AUTS2: variants seen among roughly 807,000 people sequenced by gnomAD.
AUTS2 encodes autism susceptibility gene 2 protein.
A neutral mutation model predicts 112.4 loss-of-function variants in AUTS2; 17 were observed. That is an observed-to-expected ratio of 0.15 (90% confidence interval 0.10 to 0.23). The LOEUF (loss-of-function observed/expected upper bound fraction) is 0.23. Among genes scored for constraint, AUTS2 ranks in the 10% least tolerant of loss-of-function variants. The pLI is 1.00. For synonymous variants in AUTS2, 751 were observed against 702.7 expected (o/e 1.07, Z -1.09); for missense variants, 1,510 against 1,701.6 (o/e 0.89, Z 1.98).
chr7:69,629,769 A>C (rs1414324818), intron 1 of AUTS2, among the ~76,000 whole-genome samples: 1 of 152,184 alleles, frequency 6.6e-6, no homozygotes, highest in Non-Finnish European at 1.5e-5. Context: ...GTATAATGCA[A>C]GGTGATGGGA....
At chr7:69,991,096 A>G (rs1341880925) in intron 2 of AUTS2, among the ~76,000 whole-genome samples, 1 of 152,190 alleles carries the variant, frequency 6.6e-6, no homozygotes, top group Non-Finnish European at 1.5e-5. Context: ...TAAAAATGAA[A>G]GAGAGTCTGG....
At chr7:69,884,290 G>A (rs1220862724) in intron 1 of AUTS2, among the ~76,000 whole-genome samples, 1 of 152,160 alleles carries the variant, frequency 6.6e-6, no homozygotes, top group Non-Finnish European at 1.5e-5. Flanking sequence ...TTTGCAGAAA[G>A]CATTCTTACT....
At chr7:69,730,456 G>A (rs1237005193) in intron 1 of AUTS2, among the ~76,000 whole-genome samples, 1 of 151,956 alleles carries the variant, frequency 6.6e-6, no homozygotes, top group African/African-American at 2.4e-5. Context: ...AGTTTCTGTC[G>A]ATACATATGC....
chr7:70,017,049 A>G (rs1408332161), intron 2 of AUTS2, among the ~76,000 whole-genome samples: 1 of 152,226 alleles, frequency 6.6e-6, no homozygotes, highest in Non-Finnish European at 1.5e-5. Context: ...GAACTGGCAC[A>G]GTGATGAAGA....
At chr7:70,238,072 T>G (rs977932637) in intron 4 of AUTS2, among the ~76,000 whole-genome samples, 2 of 152,206 alleles carry the variant, frequency 1.3e-5, no homozygotes, top group African/African-American at 2.4e-5. Context: ...CCATTAAATT[T>G]CCTGTGGATC....
At chr7:70,729,850 C>T (rs1787262594) in intron 6 of AUTS2, among the ~76,000 whole-genome samples, 1 of 130,422 alleles carries the variant, frequency 7.7e-6, no homozygotes, top group Non-Finnish European at 1.6e-5. Context: ...ACTGTTTGCC[C>T]ATTGTATGTA....
chr7:70,438,803 A>G (rs1323391336), intron 5 of AUTS2, among the ~76,000 whole-genome samples: 1 of 152,166 alleles, frequency 6.6e-6, no homozygotes, highest in Non-Finnish European at 1.5e-5. Flanking sequence ...TGAATTGCTA[A>G]TGGTGGAAAA....
chr7:70,633,497 G>A (rs1805375669), intron 5 of AUTS2, among the ~76,000 whole-genome samples: 1 of 151,856 alleles, frequency 6.6e-6, no homozygotes, highest in African/African-American at 2.4e-5. Context: ...TGTAATCCCA[G>A]CTGCTCGGGA....
chr7:70,497,413 A>C (rs1297565300), intron 5 of AUTS2, among the ~76,000 whole-genome samples: 1 of 152,240 alleles, frequency 6.6e-6, no homozygotes, highest in Non-Finnish European at 1.5e-5. Flanking sequence ...CAAAGTTTGG[A>C]AACAGAAGAG....
chr7:70,275,412 T>A (rs1787881873), intron 4 of AUTS2, among the ~76,000 whole-genome samples: 2 of 152,000 alleles, frequency 1.3e-5, no homozygotes, highest in Admixed American at 1.3e-4. Flanking sequence ...GGATAGGGAG[T>A]TACCCATTCA....
rs1347678272 is a variant in AUTS2 at position 70,781,595 on chromosome 7, C to T, written c.2005-20C>T. On this transcript the variant is annotated intron_variant, in intron 14 of 18. Transcript: ENST00000342771. ...CTTGCTGTTGGCCTTGGGACCCTTA[C>T]TGTTCCCCTTGCTGTGTAGAAACAG... 6.2e-7 allele frequency: 1 copy of T among 1,613,564 alleles called. No individual in the cohort carries two copies. Among genetic ancestry groups the T allele is most frequent in the South Asian group, 1.1e-5 (1 of 90,952 alleles).
Position 70,065,777 on chromosome 7 carries a change from C to T in AUTS2, c.523-52355C>T, listed in dbSNP as rs934052482. On this transcript the variant is annotated intron_variant, in intron 2 of 18. Coordinates refer to ENST00000342771, the MANE Select transcript of AUTS2 (RefSeq NM_015570.4). ...CTAGAATGCAGTGGCACAATTATAGCCTACAGCAGCCTGAAATTCTTGGTC... is the reference window on the plus strand; with the variant it reads ...CTAGAATGCAGTGGCACAATTATAGTCTACAGCAGCCTGAAATTCTTGGTC... 4.6e-5 allele frequency among the ~76,000 whole-genome samples: 7 copies of T among 152,218 alleles called. No individual in the cohort carries two copies. The East Asian group carries it at 1.4e-3, about 29-fold the overall frequency.
chr7:69,765,003 A>C (rs974921042), intron 1 of AUTS2, among the ~76,000 whole-genome samples: 10 of 152,122 alleles, frequency 6.6e-5, no homozygotes, highest in Non-Finnish European at 1.3e-4. Context: ...TATTTCTGAG[A>C]GTTTTAAAGA....
chr7:69,757,088 TC>T (rs1483421973), intron 1 of AUTS2, among the ~76,000 whole-genome samples: 8 of 152,218 alleles, frequency 5.3e-5, no homozygotes, highest in Admixed American at 3.3e-4. Flanking sequence ...GATTCCTCCT[TC>T]CTTCCTTCCC....
rs575776415 is a variant in AUTS2, at chr7:70,710,407, T to C, written c.742+11787T>C. Among the ~76,000 whole-genome samples, 6 of 152,320 alleles carry C rather than the reference T, an allele frequency of 3.9e-5. No homozygotes were observed. In the South Asian group the frequency reaches 1.2e-3, roughly 32 times the overall value. Reference sequence around the variant, plus strand: ...AATGTCACCACCCTCCCATCTGTCTTCAGCTGTCACAGACTCACACACCAA... The same window carrying C: ...AATGTCACCACCCTCCCATCTGTCTCCAGCTGTCACAGACTCACACACCAA... On this transcript the variant is annotated intron_variant, in intron 6 of 18. Coordinates refer to ENST00000342771, the MANE Select transcript of AUTS2 (RefSeq NM_015570.4).
At chr7:70,591,437 C>A (rs1443022329) in intron 5 of AUTS2, among the ~76,000 whole-genome samples, 2 of 152,130 alleles carry the variant, frequency 1.3e-5, no homozygotes, top group Admixed American at 6.5e-5. Flanking sequence ...CTCACTCTGT[C>A]CCCCAGGCTG....
chr7:70,414,214 C>T (rs1011098408), intron 4 of AUTS2, among the ~76,000 whole-genome samples: 30 of 152,176 alleles, frequency 2.0e-4, no homozygotes, highest in African/African-American at 5.1e-4. Flanking sequence ...TTCCTTTCCC[C>T]AATGCTCCCT....
At chr7:70,185,854 G>A (rs1430866696) in intron 4 of AUTS2, among the ~76,000 whole-genome samples, 1 of 152,142 alleles carries the variant, frequency 6.6e-6, no homozygotes, top group East Asian at 1.9e-4. Flanking sequence ...TACGTGCCCT[G>A]CCTGCCAACT....
chr7:70,698,647 A>G (rs1809272142), intron 6 of AUTS2, 27 bp downstream of exon 6: 1 of 1,560,432 alleles, frequency 6.4e-7, no homozygotes. Flanking sequence ...CTCCTGAGTA[A>G]TGGCTTATTT....
Sources: gnomAD v4.1 joint callset for allele counts (sites outside exome capture counted in the v4.1 genomes callset) on GRCh38, gnomAD v4.1.1 for gene constraint, MANE v1.5 for transcripts, NCBI Gene and HGNC (gene_info 2026-07-23, HGNC 2026-07-21) for gene names.